The following FMN1 variants were observed in gnomAD, a reference collection of about 807,000 sequenced individuals.
The protein encoded by FMN1 is formin 1.
In FMN1, 110 loss-of-function variants were observed where a neutral mutation model predicts 132.4. The observed-to-expected ratio is 0.83, with a 90% CI of 0.71 to 0.97. The LOEUF is 0.97. FMN1 is among the 50% of genes least tolerant of loss of function. FMN1 has a pLI of 0.00. For synonymous variants in FMN1, 722 were observed against 651.7 expected, an observed-to-expected ratio of 1.11 and a Z score of -1.64; for missense variants, 1,792 against 1,705.3, an observed-to-expected ratio of 1.05 and a Z score of -0.90.
In FMN1 at chr15:32,814,259, A is replaced by G. The variant is rs115265586; in HGVS notation, c.3929-9927T>C. The stretch of plus-strand genomic sequence containing the variant: ...TTTTGTAAAATGCTTTTCCTTAGTT[A>G]TTTTTCACAGATATTTCTAAACAAG... On this transcript the variant is annotated intron_variant, in intron 17 of 20. Coordinates refer to ENST00000616417, the MANE Select transcript of FMN1 (RefSeq NM_001277313.2). Among the ~76,000 whole-genome samples the G allele has an allele frequency of 1.9e-3, 282 of 152,294 alleles. 1 individual carries two copies. The highest frequency in any genetic ancestry group is 6.5e-3 in the African/African-American group (269 of 41,568).
intron 3 of FMN1, among the ~76,000 whole-genome samples, chr15:33,169,496 G>A (rs1480870494): frequency 3.3e-5 from 5 of 152,116 alleles, no homozygotes; most frequent in African/African-American, 1.2e-4. Context: ...GGCTACTGTT[G>A]AGATTCCTAA....
chr15:33,018,178 A>G lies in FMN1; in HGVS notation c.2162-10103T>C, dbSNP rs80187960. Among the ~76,000 whole-genome samples the G allele has an allele frequency of 2.0e-5, 3 of 152,296 alleles. No homozygotes were observed. The East Asian group carries it at 5.8e-4, about 29-fold the overall frequency. ...GGTCATGAAGGCAGAGCCCTTGTGC[A>G]TGAGATTAGTGTGTGTGATACTGCA... On this transcript the variant is annotated intron_variant, in intron 6 of 20. Coordinates refer to ENST00000616417, the MANE Select transcript of FMN1 (RefSeq NM_001277313.2).
intron 19 of FMN1, among the ~76,000 whole-genome samples, chr15:32,780,884 CCATA>C (rs2056641375): frequency 6.6e-6 from 1 of 152,062 alleles, no homozygotes; most frequent in Non-Finnish European, 1.5e-5. Context: ...TAAATTGAAC[CCATA>C]CATACAGACA....
intron 17 of FMN1, among the ~76,000 whole-genome samples, chr15:32,828,898 ATAGG>A (rs1361262355): frequency 6.6e-6 from 1 of 152,166 alleles, no homozygotes; most frequent in African/African-American, 2.4e-5. Flanking sequence ...GAACAGGGAG[ATAGG>A]TAGGTAAAAT....
At chr15:33,079,901 T>C (rs980398095) in intron 5 of FMN1, among the ~76,000 whole-genome samples, 2 of 152,332 alleles carry the variant, frequency 1.3e-5, no homozygotes, top group Admixed American at 1.3e-4. Context: ...TTTTTCCAAA[T>C]TGATCAGTTC....
intron 6 of FMN1, among the ~76,000 whole-genome samples, chr15:33,009,739 A>G (rs1323113390): frequency 1.3e-5 from 2 of 152,198 alleles, no homozygotes; most frequent in African/African-American, 4.8e-5. Flanking sequence ...GACATTAAGT[A>G]GCTTGATCAA....
chr15:32,839,036 A>G (rs34573964), intron 17 of FMN1, among the ~76,000 whole-genome samples: 58,364 of 151,970 alleles, frequency 0.38, 13,209 homozygotes, highest in Admixed American at 0.49. Context: ...CTGGACAAAC[A>G]GTTCATTTCC....
chr15:32,898,070 C>A (rs141480465), intron 15 of FMN1, among the ~76,000 whole-genome samples: 1 of 152,244 alleles, frequency 6.6e-6, no homozygotes, highest in East Asian at 1.9e-4. Flanking sequence ...TTATGGAGTT[C>A]ATCAGTGCCT....
chr15:32,994,241 CACACACACAG>C (rs1002554392), intron 7 of FMN1, among the ~76,000 whole-genome samples: 4 of 151,336 alleles, frequency 2.6e-5, no homozygotes, highest in African/African-American at 9.7e-5. Context: ...CTCACACACA[CACACACACAG>C]ACACACACAC....
intron 5 of FMN1, among the ~76,000 whole-genome samples, chr15:33,080,228 A>G (rs1188788444): frequency 1.3e-5 from 2 of 152,236 alleles, no homozygotes; most frequent in African/African-American, 2.4e-5. Flanking sequence ...TCTCCATGTA[A>G]GCAAAGACAC....
chr15:33,050,435 A>C (rs1188772751), intron 6 of FMN1, among the ~76,000 whole-genome samples: 2 of 152,198 alleles, frequency 1.3e-5, no homozygotes, highest in Non-Finnish European at 2.9e-5. Flanking sequence ...AATCAGTAAG[A>C]AAAATGACTA....
At chr15:33,116,736 AAAT>A (rs1331395977) in intron 4 of FMN1, among the ~76,000 whole-genome samples, 10 of 147,682 alleles carry the variant, frequency 6.8e-5, no homozygotes, top group African/African-American at 1.9e-4. Context: ...ATGCGAAAAC[AAAT>A]AATACTAGAT....
chr15:32,969,551 A>C, intron 7 of FMN1, 74 bp from the exon 8 acceptor site: 1 of 1,499,296 alleles, frequency 6.7e-7, no homozygotes, highest in South Asian at 1.3e-5. Flanking sequence ...AAACTCAATA[A>C]TACCATCATG....
chr15:32,959,975 A>G (rs2030321715), intron 9 of FMN1, among the ~76,000 whole-genome samples: 1 of 152,218 alleles, frequency 6.6e-6, no homozygotes, highest in Non-Finnish European at 1.5e-5. Flanking sequence ...TGAAAGAGGC[A>G]AACTGAAGTT....
intron 6 of FMN1, among the ~76,000 whole-genome samples, chr15:33,010,377 A>T (rs1052459210): frequency 6.6e-6 from 1 of 152,174 alleles, no homozygotes; most frequent in African/African-American, 2.4e-5. Context: ...ATGATATTAG[A>T]TATTATTCTC....
At chr15:32,909,397 G>T (rs2060503916) in intron 11 of FMN1, among the ~76,000 whole-genome samples, 1 of 152,140 alleles carries the variant, frequency 6.6e-6, no homozygotes. Flanking sequence ...GTACTTTCTG[G>T]TTTATTAACG....
chr15:33,083,776 A>T (rs1278579709), intron 5 of FMN1, among the ~76,000 whole-genome samples: 1 of 152,170 alleles, frequency 6.6e-6, no homozygotes, highest in Admixed American at 6.5e-5. Context: ...TAGTCACAGG[A>T]TAAAAAAGAA....
At chr15:32,893,386 G>A (rs757448230) in intron 15 of FMN1, among the ~76,000 whole-genome samples, 8 of 151,704 alleles carry the variant, frequency 5.3e-5, no homozygotes, top group South Asian at 2.1e-4. Context: ...GTGTGTGCGC[G>A]CTCGTGCGCG....
chr15:32,844,426 T>C (rs1412877193), intron 17 of FMN1, among the ~76,000 whole-genome samples: 1 of 152,210 alleles, frequency 6.6e-6, no homozygotes. Context: ...ATCATCAAGA[T>C]GTAATTATAG....
Sources: allele counts gnomAD v4.1 joint callset (sites outside exome capture counted in the v4.1 genomes callset), GRCh38; gene constraint gnomAD v4.1.1; transcripts MANE v1.5; gene names NCBI Gene and HGNC (gene_info 2026-07-23, HGNC 2026-07-21).